Variants in ZNF280D observed in about 807,000 individuals in gnomAD.
ZNF280D encodes the protein zinc finger protein 280D.
ZNF280D carries 39 observed loss-of-function variants against 94.7 expected under a neutral mutation model. The ratio of observed to expected loss-of-function variants is 0.41; its 90% CI spans 0.32 to 0.54. The LOEUF is 0.54. ZNF280D is among the 20% of genes least tolerant of loss of function. The pLI is 0.22. For missense variants in ZNF280D, 1,090 were observed against 1,149.3 expected (o/e 0.95, Z 0.75); for synonymous variants, 398 against 377.6 (o/e 1.05, Z -0.63).
chr15:56,645,914 T>C (rs1388792358), intron 19 of ZNF280D, among the ~76,000 whole-genome samples: 5 of 152,130 alleles, frequency 3.3e-5, no homozygotes, highest in Admixed American at 2.6e-4. Flanking sequence ...TCATTCACAC[T>C]ATAAACATAC....
chr15:56,671,008 C>T (rs575931803), intron 13 of ZNF280D, among the ~76,000 whole-genome samples: 30 of 151,916 alleles, frequency 2.0e-4, no homozygotes, highest in African/African-American at 6.5e-4. Context: ...ATCCTTTGCC[C>T]GCTTTCTAAT....
intron 13 of ZNF280D, among the ~76,000 whole-genome samples, chr15:56,674,437 A>G (rs2055076206): frequency 6.6e-6 from 1 of 152,092 alleles, no homozygotes; most frequent in African/African-American, 2.4e-5. Context: ...TAAGTATACT[A>G]TATTGTTTGG....
At chr15:56,653,337 C>CTT in intron 19 of ZNF280D, 1 of 1,255,160 alleles carries the variant, frequency 8.0e-7, no homozygotes, top group Non-Finnish European at 1.0e-6. Context: ...AAGCCAAAGC[C>CTT]CCCAGTGGGA....
intron 1 of ZNF280D, among the ~76,000 whole-genome samples, chr15:56,708,860 A>G (rs2057581300): frequency 6.6e-6 from 1 of 152,160 alleles, no homozygotes; most frequent in South Asian, 2.1e-4. Flanking sequence ...AATTAATTCA[A>G]GATGGATTAA....
intron 9 of ZNF280D, among the ~76,000 whole-genome samples, chr15:56,683,049 T>A (rs2055743214): frequency 6.6e-6 from 1 of 152,144 alleles, no homozygotes; most frequent in Non-Finnish European, 1.5e-5. Context: ...AAGATTACCC[T>A]AAAATAGCTA....
At chr15:56,695,510 T>C (rs2056691457) in intron 6 of ZNF280D, among the ~76,000 whole-genome samples, 1 of 150,608 alleles carries the variant, frequency 6.6e-6, no homozygotes, top group Non-Finnish European at 1.5e-5. Flanking sequence ...ATTAAACTGA[T>C]AAAACTATTG....
chr15:56,644,366 A>C, intron 19 of ZNF280D, among the ~76,000 whole-genome samples: 1 of 152,098 alleles, frequency 6.6e-6, no homozygotes, highest in Admixed American at 6.6e-5. Context: ...AGTATAAAGG[A>C]AAATAAGTTT....
At chr15:56,665,995 G>T (rs2054262909) in intron 16 of ZNF280D, among the ~76,000 whole-genome samples, 2 of 152,058 alleles carry the variant, frequency 1.3e-5, no homozygotes, top group South Asian at 4.1e-4. Flanking sequence ...AACTAGCCAG[G>T]CATGGTGGCT....
At chr15:56,645,562 T>C (rs1429582901) in intron 19 of ZNF280D, among the ~76,000 whole-genome samples, 1 of 152,208 alleles carries the variant, frequency 6.6e-6, no homozygotes, top group African/African-American at 2.4e-5. Context: ...GTTTTGTTTT[T>C]GCAGACGGAG....
intron 19 of ZNF280D, chr15:56,653,757 AC>A: frequency 7.8e-7 from 1 of 1,278,444 alleles, no homozygotes; most frequent in East Asian, 3.1e-5. Flanking sequence ...GAAGGCAAGT[AC>A]AGCAGAGAAA....
intron 16 of ZNF280D, among the ~76,000 whole-genome samples, chr15:56,660,346 G>A (rs1357385709): frequency 6.6e-6 from 1 of 151,678 alleles, no homozygotes; most frequent in African/African-American, 2.4e-5. Context: ...TATAGTATAG[G>A]GTCTTTTGAT....
chr15:56,666,536 C>A lies in ZNF280D; in HGVS notation c.1854-1G>T. 1 of 1,569,850 alleles carries A rather than the reference C, an allele frequency of 6.4e-7. No individual in the cohort carries two copies. The highest frequency in any genetic ancestry group is 8.6e-7 in the Non-Finnish European group (1 of 1,167,904). On this transcript the variant is annotated splice_acceptor_variant, in intron 15 of 21. Coordinates refer to ENST00000267807, the MANE Select transcript of ZNF280D (RefSeq NM_017661.4). LOFTEE classifies it high-confidence loss of function. ...GCATTTGTGAATGCCCCGACGATACCTTAGGGAGACATTAAAAAAATGATA... is the reference window on the plus strand; with the variant it reads ...GCATTTGTGAATGCCCCGACGATACATTAGGGAGACATTAAAAAAATGATA...
At chr15:56,718,467 T>C (rs2058163250) in intron 1 of ZNF280D, among the ~76,000 whole-genome samples, 1 of 152,198 alleles carries the variant, frequency 6.6e-6, no homozygotes, top group South Asian at 2.1e-4. Context: ...TAAATCAACT[T>C]TTTAGAATTT....
intron 7 of ZNF280D, among the ~76,000 whole-genome samples, chr15:56,691,828 C>G (rs901666248): frequency 6.6e-6 from 1 of 152,040 alleles, no homozygotes; most frequent in African/African-American, 2.4e-5. Context: ...CTAAGTAGAG[C>G]AAGAATTAAA....
intron 13 of ZNF280D, among the ~76,000 whole-genome samples, 197 bp from the exon 14 acceptor site, chr15:56,669,154 G>A (rs12910442): frequency 0.48 from 72,737 of 151,652 alleles, 19,313 homozygotes; most frequent in East Asian, 0.6. Context: ...AAAAGTGTTC[G>A]CTACTATGTA....
At chr15:56,715,492 G>A (rs1215366399) in intron 1 of ZNF280D, among the ~76,000 whole-genome samples, 1 of 151,866 alleles carries the variant, frequency 6.6e-6, no homozygotes, top group Non-Finnish European at 1.5e-5. Flanking sequence ...CTTAACTAAG[G>A]GCAATATTTA....
At chr15:56,688,136 C>T (rs1302354943) in intron 9 of ZNF280D, among the ~76,000 whole-genome samples, 1 of 152,050 alleles carries the variant, frequency 6.6e-6, no homozygotes, top group African/African-American at 2.4e-5. Context: ...TACTAAAATA[C>T]TTTAAATGTT....
intron 20 of ZNF280D, among the ~76,000 whole-genome samples, chr15:56,637,496 T>C (rs2052410308): frequency 6.6e-6 from 1 of 152,150 alleles, no homozygotes; most frequent in African/African-American, 2.4e-5. Flanking sequence ...ATAATGATGT[T>C]GAGACCATCC....
At chr15:56,644,598 G>A (rs572511664) in intron 19 of ZNF280D, among the ~76,000 whole-genome samples, 62 of 152,080 alleles carry the variant, frequency 4.1e-4, no homozygotes, top group African/African-American at 1.5e-3. Flanking sequence ...TCAACTTATC[G>A]TAGTAAATGT....
Sources: allele counts gnomAD v4.1 joint callset (sites outside exome capture counted in the v4.1 genomes callset), GRCh38; gene constraint gnomAD v4.1.1; transcripts MANE v1.5; gene names NCBI Gene and HGNC (gene_info 2026-07-23, HGNC 2026-07-21).